The following RAG1 variants were observed in gnomAD, a reference collection of about 807,000 sequenced individuals.
RAG1 encodes recombination activating 1.
RAG1 carries 35 observed loss-of-function variants against 62.7 expected under a neutral mutation model. The observed-to-expected ratio is 0.56, with a 90% CI of 0.43 to 0.74. RAG1 has a LOEUF of 0.74. Among genes scored for constraint, RAG1 ranks in the 30% least tolerant of loss-of-function variants. The pLI is 0.00. For missense variants in RAG1, 1,169 were observed against 1,278.6 expected (o/e 0.91, Z 1.31); for synonymous variants, 461 against 470.3 (o/e 0.98, Z 0.26).
intron 2 of RAG1, among the ~76,000 whole-genome samples, chr11:36,530,997 T>G (rs1380858161): frequency 6.6e-6 from 1 of 152,042 alleles, no homozygotes; most frequent in African/African-American, 2.4e-5. Flanking sequence ...CATTGTTTGA[T>G]GCATACACAT....
At chr11:36,530,406 A>T (rs1300943140) in intron 2 of RAG1, among the ~76,000 whole-genome samples, 4 of 151,728 alleles carry the variant, frequency 2.6e-5, no homozygotes, top group Non-Finnish European at 4.4e-5. Context: ...AGGTTCTTGA[A>T]GTAAGAGCTT....
In RAG1 at chr11:36,579,101, T is replaced by A. The variant is rs1370102959; in HGVS notation, c.*2665T>A. ...AGGAGGAGAAAAAGATGTCTTTTTC[T>A]TCCAGGTGAACTGGAATTTAGTTTT... On this transcript the variant is annotated 3_prime_UTR_variant, in exon 2 of 2. Transcript: ENST00000299440. The A allele has an allele frequency of 6.0e-6, 1 of 167,068 alleles. No homozygotes were observed. The highest frequency in any genetic ancestry group is 2.4e-5 in the African/African-American group (1 of 41,456). 10.3% of individuals were successfully genotyped at this position (167,068 alleles called of 1,614,324 possible). A position where few individuals can be genotyped will look rare whatever the true frequency, so the allele number is the denominator to read the frequency against.
chr11:36,568,355 A>G lies in RAG1; in HGVS notation c.-15+233A>G, dbSNP rs1467544624. Reference sequence around the variant, plus strand: ...ATCTGAATTACTATAAATGAATGCTATTGTCAGAGGAAAGGTTTAAGGAGT... The same window carrying G: ...ATCTGAATTACTATAAATGAATGCTGTTGTCAGAGGAAAGGTTTAAGGAGT... On this transcript the variant is annotated intron_variant, in intron 1 of 1. Coordinates refer to ENST00000299440, the MANE Select transcript of RAG1 (RefSeq NM_000448.3). Among the ~76,000 whole-genome samples, 6 of 152,182 alleles carry G rather than the reference A, an allele frequency of 3.9e-5. No individual in the cohort carries two copies. The East Asian group carries it at 7.7e-4, about 20-fold the overall frequency.
At chr11:36,550,002 A>T (rs1000099489) in intron 3 of RAG1, among the ~76,000 whole-genome samples, 1 of 152,208 alleles carries the variant, frequency 6.6e-6, no homozygotes, top group African/African-American at 2.4e-5. Flanking sequence ...ATTCTCAGCA[A>T]ACTAACACAG....
chr11:36,527,580 T>A (rs1295191709), intron 2 of RAG1, among the ~76,000 whole-genome samples: 1 of 152,172 alleles, frequency 6.6e-6, no homozygotes, highest in East Asian at 1.9e-4. Context: ...CTTTTTTGGT[T>A]CCATATGAAC....
Position 36,575,080 on chromosome 11 carries a change from C to T in RAG1, c.1776C>T (p.Gly592=), listed in dbSNP as rs1850820900. 2 of 1,614,108 alleles carry T rather than the reference C, an allele frequency of 1.2e-6. No individual in the cohort carries two copies. Among genetic ancestry groups the T allele is most frequent in the Non-Finnish European group, 1.7e-6 (2 of 1,180,012 alleles). ...RSQDLDDYLN[G]PFTVVVKESC... Reference sequence around the variant, plus strand: ...AAGACCTTGATGATTACCTGAATGGCCCCTTCACTGTGGTGGTGAAGGAGT... The same window carrying T: ...AAGACCTTGATGATTACCTGAATGGTCCCTTCACTGTGGTGGTGAAGGAGT... Residue 592 remains glycine, a synonymous_variant, in exon 2 of 2, where the codon GGC becomes GGT. Coordinates refer to ENST00000299440, the MANE Select transcript of RAG1 (RefSeq NM_000448.3). The surrounding 1 kb of genome is among the most constrained non-coding windows in gnomAD (Gnocchi z 4.1).
In RAG1 at chr11:36,575,442, A is replaced by T; in HGVS notation, c.2138A>T (p.Lys713Ile). The change falls in exon 2 of 2, where the codon AAA (lysine) becomes ATA (isoleucine). Residue 713 changes from lysine (K) to isoleucine (I), a missense_variant. Lys to Ile is a moderately radical substitution (Grantham distance 102). Around this residue, in one of 2 missense-constraint regions of RAG1, gnomAD observed 800 missense variants for 943.3 expected, o/e 0.85. Coordinates refer to ENST00000299440, the MANE Select transcript of RAG1 (RefSeq NM_000448.3). The surrounding 1 kb of genome is among the most constrained non-coding windows in gnomAD (Gnocchi z 4.1). ...TTCAGGGGCACCGGCTATGATGAAAAACTTGTGCGGGAAGTGGAAGGCCTC... is the reference window on the plus strand; with the variant it reads ...TTCAGGGGCACCGGCTATGATGAAATACTTGTGCGGGAAGTGGAAGGCCTC... ...FIFRGTGYDE[K>I]LVREVEGLEA... 1 of 1,613,994 alleles carries T rather than the reference A, an allele frequency of 6.2e-7. No individual in the cohort carries two copies. The highest frequency in any genetic ancestry group is 8.5e-7 in the Non-Finnish European group (1 of 1,179,978).
At chr11:36,523,837 A>T (rs926026502) in intron 2 of RAG1, among the ~76,000 whole-genome samples, 1 of 152,184 alleles carries the variant, frequency 6.6e-6, no homozygotes, top group African/African-American at 2.4e-5. Flanking sequence ...GTTTCTACCA[A>T]TGGTAACATC....
At chr11:36,566,221 C>A (rs566987001), upstream of RAG1, among the ~76,000 whole-genome samples, 6 of 152,062 alleles carry the variant, frequency 3.9e-5, no homozygotes, top group Admixed American at 2.0e-4. Context: ...TTATTGACCT[C>A]AGAGAAATTT....
At chr11:36,549,167 A>T (rs943866914) in intron 3 of RAG1, among the ~76,000 whole-genome samples, 14 of 152,244 alleles carry the variant, frequency 9.2e-5, no homozygotes, top group Non-Finnish European at 2.1e-4. Context: ...AACCATAAAA[A>T]CCCTAGAAGA....
intron 3 of RAG1, among the ~76,000 whole-genome samples, chr11:36,559,607 C>T (rs1322014479): frequency 6.6e-6 from 1 of 151,990 alleles, no homozygotes; most frequent in African/African-American, 2.4e-5. Context: ...TTTCAAAAGA[C>T]TTGTTTTCAA....
upstream of RAG1, chr11:36,566,449 G>C (rs1452285869): frequency 6.6e-6 from 1 of 152,174 alleles, no homozygotes; most frequent in East Asian, 1.9e-4. Context: ...CCTTCAAGGG[G>C]AAGCATGAAC....
At chr11:36,565,602 T>A (rs1343260510), upstream of RAG1, among the ~76,000 whole-genome samples, 1 of 152,216 alleles carries the variant, frequency 6.6e-6, no homozygotes, top group Non-Finnish European at 1.5e-5. Context: ...ATGTCAGCAG[T>A]GTTTTATTTT....
Position 36,574,756 on chromosome 11 carries a change from C to T in RAG1, c.1452C>T (p.Tyr484=), listed in dbSNP as rs1479971460. The T allele has an allele frequency of 1.9e-6, 3 of 1,614,212 alleles. No homozygotes were observed. The highest frequency in any genetic ancestry group is 4.5e-5 in the East Asian group (2 of 44,882). Residue 484 remains tyrosine (Y), a synonymous_variant, in exon 2 of 2, where the codon TAC becomes TAT. Transcript: ENST00000299440. ...ACACCTTCCTCAGCTGCAGTCAGTA[C>T]CACAAGATGTACAGGACTGTGAAAG... is the stretch of plus-strand genomic sequence containing the variant. ...RVNTFLSCSQ[Y]HKMYRTVKAI... is the part of the protein sequence containing the mutation.
downstream of RAG1, among the ~76,000 whole-genome samples, chr11:36,540,596 C>T (rs1327637331): frequency 6.6e-6 from 1 of 152,016 alleles, no homozygotes; most frequent in African/African-American, 2.4e-5. Context: ...TTAGTAGAGA[C>T]GGGGTTTCAC....
intron 3 of RAG1, among the ~76,000 whole-genome samples, chr11:36,561,155 GGC>G (rs1850579227): frequency 6.6e-6 from 1 of 152,198 alleles, no homozygotes; most frequent in Non-Finnish European, 1.5e-5. Context: ...CAGTCCAAAT[GGC>G]TCATTCACTT....
chr11:36,570,053 T>C (rs1237735485), intron 1 of RAG1, among the ~76,000 whole-genome samples: 6 of 152,222 alleles, frequency 3.9e-5, no homozygotes, highest in Non-Finnish European at 5.9e-5. Context: ...AATAATGCCC[T>C]TTGGGTAATT....
At chr11:36,530,099 A>G (rs1257083076) in intron 2 of RAG1, among the ~76,000 whole-genome samples, 5 of 151,992 alleles carry the variant, frequency 3.3e-5, no homozygotes, top group Admixed American at 2.6e-4. Context: ...TGTTAAATTT[A>G]TATGTGCAGA....
chr11:36,574,338 A>G lies in RAG1; in HGVS notation c.1034A>G (p.Lys345Arg). The stretch of plus-strand genomic sequence containing the variant: ...CCTACTGACCTGGAGAGTCCAGTGA[A>G]GTCCTTTCTGAGCGTCTTGAATTCC... The part of the protein sequence containing the change: ...CFPTDLESPV[K>R]SFLSVLNSLM... The change falls in exon 2 of 2, where the codon AAG becomes AGG. Residue 345 changes from lysine to arginine, a missense_variant. This residue lies in a region of RAG1 where 800 missense variants were observed against 943.3 expected (regional missense o/e 0.85). Coordinates refer to ENST00000299440, the MANE Select transcript of RAG1 (RefSeq NM_000448.3). 2 of 1,614,206 alleles carry G rather than the reference A, an allele frequency of 1.2e-6. No individual in the cohort carries two copies. Among genetic ancestry groups the G allele is most frequent in the Non-Finnish European group, 1.7e-6 (2 of 1,180,018 alleles).
Sources: allele counts gnomAD v4.1 joint callset (sites outside exome capture counted in the v4.1 genomes callset), GRCh38; gene constraint gnomAD v4.1.1; regional missense constraint gnomAD v4.1.1; non-coding constraint Gnocchi (gnomAD v3.1); transcripts MANE v1.5; gene names NCBI Gene and HGNC (gene_info 2026-07-23, HGNC 2026-07-21).